The following CATSPERG variants were observed in gnomAD, a reference collection of about 807,000 sequenced individuals.
The protein encoded by CATSPERG is cation channel sperm-associated auxiliary subunit gamma.
CATSPERG carries 115 observed loss-of-function variants against 145.0 expected under a neutral mutation model. The ratio of observed to expected loss-of-function variants is 0.79; its 90% CI spans 0.68 to 0.93. The LOEUF (loss-of-function observed/expected upper bound fraction) is 0.93. Among genes scored for constraint, CATSPERG ranks in the 40% least tolerant of loss-of-function variants. CATSPERG has a pLI of 0.00. For synonymous variants in CATSPERG, 588 were observed against 589.0 expected (o/e 1.00, Z 0.02); for missense variants, 1,296 against 1,490.1 (o/e 0.87, Z 2.14).
At chr19:38,339,152 C>T (rs908616097) in intron 3 of CATSPERG, among the ~76,000 whole-genome samples, 5 of 152,130 alleles carry the variant, frequency 3.3e-5, no homozygotes, top group Admixed American at 6.6e-5. Flanking sequence ...GGGCACATTG[C>T]ATTAAGCACA....
intron 16 of CATSPERG, 106 bp from the exon 17 acceptor site, chr19:38,361,542 C>A: frequency 1.1e-6 from 1 of 892,276 alleles, no homozygotes. Flanking sequence ...AAGATTCGGG[C>A]TGGATTCGAT....
chr19:38,346,389 T>G, intron 6 of CATSPERG, 61 bp from the exon 7 acceptor site: 562 of 1,446,402 alleles, frequency 3.9e-4, no homozygotes, highest in Non-Finnish European at 4.6e-4. Context: ...TGGACCTAAA[T>G]GAGATGGAGT....
chr19:38,354,353 G>T (rs533502034), intron 8 of CATSPERG, among the ~76,000 whole-genome samples: 1 of 152,194 alleles, frequency 6.6e-6, no homozygotes, highest in Non-Finnish European at 1.5e-5. Context: ...AGGCCTCTAC[G>T]CAGCAACTGT....
At chr19:38,361,894 G>C (rs1185825782) in intron 17 of CATSPERG, 33 bp downstream of exon 17, 1 of 1,567,312 alleles carries the variant, frequency 6.4e-7, no homozygotes, top group African/African-American at 1.4e-5. Flanking sequence ...GCAGGCCTGA[G>C]ACGGGACTGG....
At chr19:38,349,793 G>A (rs1295839841) in intron 7 of CATSPERG, among the ~76,000 whole-genome samples, 1 of 151,692 alleles carries the variant, frequency 6.6e-6, no homozygotes, top group African/African-American at 2.4e-5. Flanking sequence ...GCCTCCCGAG[G>A]AGCTGGGATT....
rs1357183322 is a variant in CATSPERG, at chr19:38,362,284, G to A, written c.2157+12G>A. ...ACAAACAAGACCAGGTAGGCGGAGC[G>A]GATTGGGAGCCGGGAAAGGGGCGGC... On this transcript the variant is annotated intron_variant, in intron 18 of 28. Coordinates refer to ENST00000409235, the MANE Select transcript of CATSPERG (RefSeq NM_021185.5). 6.2e-7 allele frequency: 1 copy of A among 1,613,594 alleles called. No individual in the cohort carries two copies. The highest frequency in any genetic ancestry group is 1.7e-5 in the Admixed American group (1 of 59,990).
Position 38,346,600 on chromosome 19 carries a change from G to A in CATSPERG, c.820G>A (p.Val274Met), listed in dbSNP as rs762140406. Residue 274 changes from valine (V) to methionine (M), a missense_variant, in exon 7 of 29, where the codon GTG becomes ATG. Val to Met is a conservative substitution (Grantham distance 21). Transcript: ENST00000409235. ...CACCAGCTTCAAGGACTTCTCTCTC[G>A]TGGAGGTGAACGGTGTGGGGCAGAT... ...TDTSFKDFSLVELSIDSCWVG... is the reference protein window; with the variant it reads ...TDTSFKDFSLMELSIDSCWVG... 96 of 1,550,672 alleles carry A rather than the reference G, an allele frequency of 6.2e-5. No individual in the cohort carries two copies. Among genetic ancestry groups the A allele is most frequent in the Middle Eastern group, 1.7e-4 (1 of 6,008 alleles).
chr19:38,362,875 T>TG (rs1568381971), intron 20 of CATSPERG, 43 bp downstream of exon 20: 20 of 925,374 alleles, frequency 2.2e-5, no homozygotes, highest in Non-Finnish European at 1.5e-5. Context: ...GGTTTTGTTT[T>TG]TTTTTTTTTT....
At chr19:38,368,304 T>C (rs1434340234) in intron 26 of CATSPERG, among the ~76,000 whole-genome samples, 167 bp downstream of exon 26, 1 of 152,246 alleles carries the variant, frequency 6.6e-6, no homozygotes, top group Non-Finnish European at 1.5e-5. Flanking sequence ...CTGCCTGGAA[T>C]GCTGCTCCCT....
At chr19:38,356,396 G>C in intron 9 of CATSPERG, 88 bp from the exon 10 acceptor site, 2 of 1,133,598 alleles carry the variant, frequency 1.8e-6, no homozygotes, top group South Asian at 2.6e-5. Flanking sequence ...AGGGGCTGGT[G>C]GGCATAAGGA....
At chr19:38,350,717 G>A (rs1158152189) in intron 7 of CATSPERG, among the ~76,000 whole-genome samples, 2 of 152,178 alleles carry the variant, frequency 1.3e-5, no homozygotes, top group Non-Finnish European at 2.9e-5. Flanking sequence ...GGCTGGGTGT[G>A]GTGGCTCAGG....
intron 7 of CATSPERG, chr19:38,348,908 T>G (rs1272015916): frequency 6.6e-6 from 1 of 152,188 alleles, no homozygotes; most frequent in Admixed American, 6.5e-5. Context: ...TGAACATCAG[T>G]GGCATCTAGT....
intron 7 of CATSPERG, among the ~76,000 whole-genome samples, chr19:38,347,472 A>G (rs1040873274): frequency 1.3e-5 from 2 of 152,228 alleles, no homozygotes; most frequent in African/African-American, 4.8e-5. Context: ...GCATTGCAAT[A>G]TACATCTCTG....
chr19:38,361,889 CCTGAGACGGGACTG>C, intron 17 of CATSPERG, 28 bp downstream of exon 17: 2 of 1,575,672 alleles, frequency 1.3e-6, no homozygotes, highest in Non-Finnish European at 1.7e-6. Context: ...GGCGGGCAGG[CCTGAGACGGGACTG>C]GGGCAGCCGG....
chr19:38,342,596 T>C (rs1215583659), intron 3 of CATSPERG, among the ~76,000 whole-genome samples: 2 of 146,698 alleles, frequency 1.4e-5, no homozygotes, highest in East Asian at 2.0e-4. Context: ...TGAGACTCCT[T>C]CTTGAAAAAA....
At chr19:38,357,673 C>T (rs1021739361) in intron 11 of CATSPERG, among the ~76,000 whole-genome samples, 1 of 152,254 alleles carries the variant, frequency 6.6e-6, no homozygotes, top group South Asian at 2.1e-4. Flanking sequence ...AAAAATTGGC[C>T]GGGCACGGCG....
At position 38,360,506 on chromosome 19, in the gene CATSPERG, G is replaced by A. The variant is rs1469249113; in HGVS notation, c.1626G>A (p.Glu542=). The change falls in exon 15 of 29, where the codon GAG becomes GAA. Residue 542 remains glutamate (E), a synonymous_variant. Transcript: ENST00000409235. ...TETEEIWYLL[E]GSYRVYQLFP... ...ACCCGCAGATCTGGTACCTCCTGGA[G>A]GGCAGCTACCGGGTCTACCAGCTGT... 3.1e-6 allele frequency: 5 copies of A among 1,613,982 alleles called. No homozygotes were observed. Among genetic ancestry groups the A allele is most frequent in the South Asian group, 1.1e-5 (1 of 91,086 alleles).
At chr19:38,345,079 AAATT>A (rs1351715998) in intron 6 of CATSPERG, among the ~76,000 whole-genome samples, 4 of 149,550 alleles carry the variant, frequency 2.7e-5, no homozygotes, top group Admixed American at 6.7e-5. Context: ...GCTAATTTTT[AAATT>A]AATTATCATT....
intron 11 of CATSPERG, among the ~76,000 whole-genome samples, chr19:38,357,401 G>C (rs1970263172): frequency 6.8e-6 from 1 of 147,852 alleles, no homozygotes; most frequent in Non-Finnish European, 1.5e-5. Flanking sequence ...CGCACCTGTA[G>C]TCCCAGCTAC....
Sources: gnomAD v4.1 joint callset for allele counts (sites outside exome capture counted in the v4.1 genomes callset) on GRCh38, gnomAD v4.1.1 for gene constraint, MANE v1.5 for transcripts, NCBI Gene and HGNC (gene_info 2026-07-23, HGNC 2026-07-21) for gene names.